The following VPS37A variants were observed in gnomAD, a reference collection of about 807,000 sequenced individuals.
The protein encoded by VPS37A is VPS37A subunit of ESCRT-I, also known as vacuolar protein sorting-associated protein 37A.
In VPS37A, 30 loss-of-function variants were observed where a neutral mutation model predicts 49.8. The ratio of observed to expected loss-of-function variants is 0.60; its 90% CI spans 0.45 to 0.82. The LOEUF is 0.82. VPS37A is among the 40% of genes least tolerant of loss of function. The pLI, the probability that VPS37A is intolerant of heterozygous loss-of-function variation, is 0.00. For synonymous variants in VPS37A, 195 were observed against 160.6 expected, an observed-to-expected ratio of 1.21 and a Z score of -1.62; for missense variants, 593 against 464.4, an observed-to-expected ratio of 1.28 and a Z score of -2.55.
downstream of VPS37A, chr8:17,299,125 T>C (rs1325862451): frequency 3.9e-5 from 6 of 152,222 alleles, no homozygotes; most frequent in East Asian, 1.2e-3. Context: ...CTTAAATTCA[T>C]ATGTAAGACC....
At chr8:17,280,001 T>C (rs376855379) in intron 6 of VPS37A, 27 bp from the exon 7 acceptor site, 1 of 1,607,652 alleles carries the variant, frequency 6.2e-7, no homozygotes, top group Admixed American at 1.7e-5. Flanking sequence ...CTGATATTTA[T>C]TGACATTTTT....
intron 4 of VPS37A, among the ~76,000 whole-genome samples, chr8:17,273,796 C>G (rs1057261505): frequency 6.6e-6 from 1 of 151,784 alleles, no homozygotes; most frequent in Non-Finnish European, 1.5e-5. Flanking sequence ...ATGTTTTCTT[C>G]CCACAAAATT....
intron 1 of VPS37A, among the ~76,000 whole-genome samples, chr8:17,253,108 C>T (rs562989775): frequency 9.2e-5 from 14 of 152,162 alleles, no homozygotes; most frequent in Non-Finnish European, 2.1e-4. Context: ...AATATTAGTC[C>T]GTTACTGCTT....
At chr8:17,259,690 G>A (rs1459010648) in intron 1 of VPS37A, among the ~76,000 whole-genome samples, 6 of 152,020 alleles carry the variant, frequency 3.9e-5, no homozygotes, top group Non-Finnish European at 5.9e-5. Flanking sequence ...TATAGTTAAC[G>A]TATTGCAATC....
chr8:17,311,650 G>T, the VPS37A span: 1 of 1,613,782 alleles, frequency 6.2e-7, no homozygotes. Context: ...GAAAACACAC[G>T]ATCCGCAAAG....
At chr8:17,324,393 A>G in the VPS37A span, among the ~76,000 whole-genome samples, 2 of 152,218 alleles carry the variant, frequency 1.3e-5, no homozygotes, top group African/African-American at 4.8e-5. Context: ...GATTGGAAAC[A>G]GTGGCTTCAA....
rs1811280061 is a variant in VPS37A, at chr8:17,247,021, T to C, written c.-224T>C. On this transcript the variant is annotated 5_prime_UTR_variant, in exon 1 of 12. Transcript: ENST00000324849. ...TCTGGGCCGTGAAGGTGGGACCTCCTGTTCCGGGCCGCAAGTTTCCCTCTC... is the reference window on the plus strand; with the variant it reads ...TCTGGGCCGTGAAGGTGGGACCTCCCGTTCCGGGCCGCAAGTTTCCCTCTC... 1.0e-5 allele frequency: 6 copies of C among 601,252 alleles called. No individual in the cohort carries two copies. The highest frequency in any genetic ancestry group is 1.9e-5 in the African/African-American group (1 of 53,438). The allele number at this position is 601,252 out of a possible 1,614,324, so 37.2% of individuals were successfully genotyped here.
chr8:17,258,144 A>G (rs1024816670), intron 1 of VPS37A, among the ~76,000 whole-genome samples: 16 of 152,228 alleles, frequency 1.1e-4, no homozygotes, highest in African/African-American at 3.6e-4. Context: ...GTTTATTTCT[A>G]TCTCTTGCCT....
chr8:17,287,467 G>C (rs1029982798), intron 11 of VPS37A, among the ~76,000 whole-genome samples: 1 of 152,038 alleles, frequency 6.6e-6, no homozygotes, highest in African/African-American at 2.4e-5. Context: ...ATGGTCAAGA[G>C]ATCGAGACCA....
chr8:17,261,821 C>T (rs1812987758), intron 1 of VPS37A, among the ~76,000 whole-genome samples: 1 of 152,206 alleles, frequency 6.6e-6, no homozygotes, highest in Non-Finnish European at 1.5e-5. Flanking sequence ...TCTCCTACAA[C>T]ATGGAGCTGC....
At chr8:17,251,522 A>C (rs982476678) in intron 1 of VPS37A, among the ~76,000 whole-genome samples, 11 of 152,328 alleles carry the variant, frequency 7.2e-5, no homozygotes, top group South Asian at 6.2e-4. Flanking sequence ...CTTAGCCTAT[A>C]AGCTTCTAGC....
rs954602714 is a variant in VPS37A at position 17,297,530 on chromosome 8, T to G, written c.*2544T>G. 6.7e-6 allele frequency: 1 copy of G among 148,330 alleles called. No individual in the cohort carries two copies. The highest frequency in any genetic ancestry group is 2.5e-5 in the African/African-American group (1 of 39,356). 9.2% of individuals were successfully genotyped at this position (148,330 alleles called of 1,614,324 possible). ...TCTATAAAAAGCTCAGTTACTGATT[T>G]GCTGGGTCATGGTCAAAATTCTTAC... On this transcript the variant is annotated 3_prime_UTR_variant, in exon 12 of 12. Coordinates refer to ENST00000324849, the MANE Select transcript of VPS37A (RefSeq NM_152415.3).
the VPS37A span, chr8:17,331,167 A>G: frequency 6.2e-7 from 1 of 1,611,474 alleles, no homozygotes; most frequent in Non-Finnish European, 8.5e-7. Context: ...CATTTTCTGC[A>G]GACTGTTCCT....
chr8:17,298,743 T>G (rs1029270111), downstream of VPS37A: 2 of 152,616 alleles, frequency 1.3e-5, no homozygotes, highest in African/African-American at 4.8e-5. Flanking sequence ...AAGTTTAATT[T>G]AGGTCACCTA....
chr8:17,317,786 C>T, the VPS37A span, among the ~76,000 whole-genome samples: 1 of 152,154 alleles, frequency 6.6e-6, no homozygotes, highest in East Asian at 1.9e-4. Flanking sequence ...CATACTTCCG[C>T]CATAAATTGC....
chr8:17,298,588 TTTAAA>T (rs1220712427), downstream of VPS37A: 2 of 152,596 alleles, frequency 1.3e-5, no homozygotes, highest in African/African-American at 2.4e-5. Context: ...AATTGTAAAG[TTTAAA>T]TTAATCCTTT....
chr8:17,265,830 T>C, intron 1 of VPS37A, 77 bp from the exon 2 acceptor site: 1 of 1,607,756 alleles, frequency 6.2e-7, no homozygotes, highest in Non-Finnish European at 8.5e-7. Flanking sequence ...TTTTAGTAGA[T>C]TCTAGCACTT....
At chr8:17,266,353 A>T (rs1030799400) in intron 2 of VPS37A, among the ~76,000 whole-genome samples, 2 of 152,276 alleles carry the variant, frequency 1.3e-5, no homozygotes, top group East Asian at 3.8e-4. Flanking sequence ...AAGTTAAAAT[A>T]TTCCAAATTT....
the VPS37A span, chr8:17,313,223 G>A: frequency 3.4e-6 from 4 of 1,164,976 alleles, no homozygotes; most frequent in Non-Finnish European, 5.1e-6. Flanking sequence ...CCATGGCAGA[G>A]GGATACCCAT....
Sources: gnomAD v4.1 joint callset for allele counts (sites outside exome capture counted in the v4.1 genomes callset) on GRCh38, gnomAD v4.1.1 for gene constraint, MANE v1.5 for transcripts, NCBI Gene and HGNC (gene_info 2026-07-23, HGNC 2026-07-21) for gene names.